The following RYK variants were observed in gnomAD, a reference collection of about 807,000 sequenced individuals.
The protein encoded by RYK is inactive tyrosine-protein kinase RYK.
In RYK, 21 loss-of-function variants were observed where a neutral mutation model predicts 70.2. The ratio of observed to expected loss-of-function variants is 0.30; its 90% CI spans 0.21 to 0.43. RYK has a LOEUF of 0.43. RYK is among the 20% of genes least tolerant of loss of function. The pLI is 1.00. For synonymous variants in RYK, 267 were observed against 278.0 expected, an observed-to-expected ratio of 0.96 and a Z score of 0.39; for missense variants, 604 against 753.3, an observed-to-expected ratio of 0.80 and a Z score of 2.32.
intron 1 of RYK, among the ~76,000 whole-genome samples, chr3:134,223,244 G>A (rs1159425867): frequency 6.6e-6 from 1 of 152,188 alleles, no homozygotes; most frequent in African/African-American, 2.4e-5. Context: ...GAATGCCGGA[G>A]AAGTGACTCC....
chr3:134,193,321 C>T (rs1292431898), intron 7 of RYK, among the ~76,000 whole-genome samples: 5 of 151,960 alleles, frequency 3.3e-5, no homozygotes, highest in Non-Finnish European at 7.4e-5. Flanking sequence ...GTAGCTGGGA[C>T]TACAGGCGCG....
At chr3:134,246,080 A>C (rs1331081124) in intron 1 of RYK, among the ~76,000 whole-genome samples, 2 of 152,140 alleles carry the variant, frequency 1.3e-5, no homozygotes, top group African/African-American at 4.8e-5. Context: ...TACACACATC[A>C]GAGATAAGTA....
At chr3:134,174,783 C>T (rs1402955552) in intron 13 of RYK, among the ~76,000 whole-genome samples, 1 of 151,628 alleles carries the variant, frequency 6.6e-6, no homozygotes, top group Non-Finnish European at 1.5e-5. Context: ...ACAAAGGGCC[C>T]AACTATGATC....
At chr3:134,178,435 T>C (rs2013183727) in intron 10 of RYK, 1 of 155,202 alleles carries the variant, frequency 6.4e-6, no homozygotes, top group Admixed American at 6.6e-5. Flanking sequence ...ATGATAACAA[T>C]ATCCCACTTA....
At position 134,177,949 on chromosome 3, in the gene RYK, T is replaced by G. The variant is rs758468665; in HGVS notation, c.1297A>C (p.Asn433His). 1.2e-6 allele frequency: 2 copies of G among 1,609,470 alleles called. No individual in the cohort carries two copies. The highest frequency in any genetic ancestry group is 3.4e-5 in the Admixed American group (2 of 59,004). The change falls in exon 11 of 15, where the codon AAT becomes CAT. Residue 433 changes from asparagine to histidine, a missense_variant. Around this residue, in one of 2 missense-constraint regions of RYK, gnomAD observed 466 missense variants for 535.9 expected, o/e 0.87. Coordinates refer to ENST00000623711, the MANE Select transcript of RYK (RefSeq NM_002958.4). ...GGGCAAATTTTTCTCACCTGTGGATTATTGGCCTCTACTAACTTGCACTGT... is the reference window on the plus strand; with the variant it reads ...GGGCAAATTTTTCTCACCTGTGGATGATTGGCCTCTACTAACTTGCACTGT... ...LRQCKLVEAN[N>H]PQAISQQDLV...
chr3:134,162,634 G>C lies in RYK; in HGVS notation c.1576-3261C>G, dbSNP rs138348511. 3.6e-3 allele frequency among the ~76,000 whole-genome samples: 552 copies of C among 152,256 alleles called. 1 individual carries two copies. The highest frequency in any genetic ancestry group is 6.6e-3 in the Non-Finnish European group (452 of 68,012). Reference sequence around the variant, plus strand: ...AAAGGATGGTGCCTGCTCACAACTAGTTATTTGCCTATCTTTAAAACCTTA... The same window carrying C: ...AAAGGATGGTGCCTGCTCACAACTACTTATTTGCCTATCTTTAAAACCTTA... On this transcript the variant is annotated intron_variant, in intron 13 of 14. Coordinates refer to ENST00000623711, the MANE Select transcript of RYK (RefSeq NM_002958.4).
intron 1 of RYK, among the ~76,000 whole-genome samples, chr3:134,238,742 G>T (rs962196851): frequency 1.3e-5 from 2 of 152,054 alleles, no homozygotes; most frequent in African/African-American, 2.4e-5. Flanking sequence ...TACTCCACAT[G>T]GTCAAAAAGT....
At chr3:134,230,541 G>A (rs185936730) in intron 1 of RYK, among the ~76,000 whole-genome samples, 1 of 152,256 alleles carries the variant, frequency 6.6e-6, no homozygotes, top group Non-Finnish European at 1.5e-5. Flanking sequence ...TTCATAGACT[G>A]TATGAGTGAA....
chr3:134,174,738 T>C (rs2013036989), intron 13 of RYK, among the ~76,000 whole-genome samples: 1 of 152,032 alleles, frequency 6.6e-6, no homozygotes, highest in Non-Finnish European at 1.5e-5. Context: ...CTGTAAAATA[T>C]GAACAAGTGA....
At chr3:134,216,201 C>T (rs774018831) in intron 2 of RYK, among the ~76,000 whole-genome samples, 5 of 152,088 alleles carry the variant, frequency 3.3e-5, no homozygotes, top group African/African-American at 4.8e-5. Flanking sequence ...TAAGTAAAGC[C>T]ATTTCCTTCT....
chr3:134,227,394 TAG>T lies in RYK; in HGVS notation c.233-4857_233-4856del, dbSNP rs560042959. Among the ~76,000 whole-genome samples, 178 of 152,262 alleles carry T rather than the reference TAG, an allele frequency of 1.2e-3. 2 individuals are homozygous for T. Among genetic ancestry groups the T allele is most frequent in the Non-Finnish European group, 1.7e-3 (113 of 68,016 alleles). On this transcript the variant is annotated intron_variant, in intron 1 of 14. Transcript: ENST00000623711. Reference sequence around the variant, plus strand: ...AAAGTAATCTTAATCAAAATCTCAATAGATTTTTTTGAAAAAATAAATTAATC... The same window carrying T: ...AAAGTAATCTTAATCAAAATCTCAATATTTTTTTGAAAAAATAAATTAATC...
Position 134,159,241 on chromosome 3 carries a change from C to A in RYK, c.1708G>T (p.Glu570Ter). The A allele has an allele frequency of 6.2e-7, 1 of 1,613,758 alleles. No individual in the cohort carries two copies. Among genetic ancestry groups the A allele is most frequent in the South Asian group, 1.1e-5 (1 of 91,048 alleles). Residue 570 changes from glutamate to a stop codon, truncating the protein, a stop_gained, in exon 14 of 15, where the codon GAA becomes TAA. Coordinates refer to ENST00000623711, the MANE Select transcript of RYK (RefSeq NM_002958.4). LOFTEE classifies it high-confidence loss of function. The part of the protein sequence containing the change: ...RIAQPINCPD[E>*]LFAVMACCWA... ...TTCAAGCTCAAAAAAACTCACAATT[C>A]ATCAGGACAGTTGATTGGCTGGGCT...
intron 1 of RYK, among the ~76,000 whole-genome samples, chr3:134,223,559 G>T (rs1305893127): frequency 6.6e-6 from 1 of 150,498 alleles, no homozygotes; most frequent in Admixed American, 6.6e-5. Context: ...CTAGCTCATT[G>T]TTTATAAAAA....
At position 134,235,953 on chromosome 3, in the gene RYK, C is replaced by T. The variant is rs183488603; in HGVS notation, c.233-13414G>A. ...GTAGGTGTGCTATAGTTAGGAAATT[C>T]CAAGGGCTGAGACAGATCACTTCTA... is the stretch of plus-strand genomic sequence containing the variant. On this transcript the variant is annotated intron_variant, in intron 1 of 14. Coordinates refer to ENST00000623711, the MANE Select transcript of RYK (RefSeq NM_002958.4). Among the ~76,000 whole-genome samples the T allele has an allele frequency of 1.3e-4, 20 of 152,004 alleles. No homozygotes were observed. The East Asian group carries it at 3.9e-3, about 29-fold the overall frequency.
At chr3:134,226,433 A>G (rs2014913298) in intron 1 of RYK, among the ~76,000 whole-genome samples, 1 of 152,168 alleles carries the variant, frequency 6.6e-6, no homozygotes, top group Non-Finnish European at 1.5e-5. Flanking sequence ...AAGACACAAC[A>G]CCAATCTTAC....
At chr3:134,181,875 G>A (rs1016464882) in intron 10 of RYK, among the ~76,000 whole-genome samples, 1 of 152,102 alleles carries the variant, frequency 6.6e-6, no homozygotes, top group Non-Finnish European at 1.5e-5. Context: ...TTTTAAAAAA[G>A]GTCTTCATGG....
intron 1 of RYK, among the ~76,000 whole-genome samples, chr3:134,227,430 T>G (rs2014942701): frequency 6.6e-6 from 1 of 151,922 alleles, no homozygotes; most frequent in South Asian, 2.1e-4. Context: ...TCGTGAAATT[T>G]ACATGCCAAC....
At chr3:134,173,401 C>T (rs549766488) in intron 13 of RYK, among the ~76,000 whole-genome samples, 27 of 152,290 alleles carry the variant, frequency 1.8e-4, no homozygotes, top group Admixed American at 4.6e-4. Context: ...CCTTCTCACA[C>T]TGCTATGAAT....
intron 1 of RYK, among the ~76,000 whole-genome samples, chr3:134,235,300 A>G (rs1196299934): frequency 1.3e-5 from 2 of 150,076 alleles, no homozygotes; most frequent in Non-Finnish European, 3.0e-5. Context: ...TGGTTAATAT[A>G]TGGCATTTTT....
Sources: gnomAD v4.1 joint callset for allele counts (sites outside exome capture counted in the v4.1 genomes callset) on GRCh38, gnomAD v4.1.1 for gene constraint, gnomAD v4.1.1 regional missense constraint, MANE v1.5 for transcripts, NCBI Gene and HGNC (gene_info 2026-07-23, HGNC 2026-07-21) for gene names.